ABCB5: variants seen among roughly 807,000 people sequenced by gnomAD.
ABCB5 encodes the protein ATP-binding cassette sub-family B member 5.
In ABCB5, 155 loss-of-function variants were observed where a neutral mutation model predicts 144.2. That is an observed-to-expected ratio of 1.08 (90% CI 0.94 to 1.23). The LOEUF (loss-of-function observed/expected upper bound fraction) is 1.23. Ranked by LOEUF, ABCB5 falls within the 50% of genes most tolerant of loss-of-function variation. ABCB5 has a pLI of 0.00. For missense variants in ABCB5, 1,830 were observed against 1,520.8 expected (o/e 1.20, Z -3.38); for synonymous variants, 610 against 528.6 (o/e 1.15, Z -2.11).
intron 14 of ABCB5, among the ~76,000 whole-genome samples, chr7:20,679,883 C>T (rs917475738): frequency 1.3e-5 from 2 of 152,118 alleles, no homozygotes; most frequent in Non-Finnish European, 2.9e-5. Context: ...AGCATATACA[C>T]ACTTTACGAC....
chr7:20,659,395 T>A, intron 14 of ABCB5: 2 of 744,176 alleles, frequency 2.7e-6, no homozygotes, highest in South Asian at 7.2e-5. Flanking sequence ...GAGTTAAGCG[T>A]TTTTTTTTCT....
At chr7:20,732,944 A>T (rs1217230064) in intron 23 of ABCB5, among the ~76,000 whole-genome samples, 1 of 152,160 alleles carries the variant, frequency 6.6e-6, no homozygotes, top group Non-Finnish European at 1.5e-5. Flanking sequence ...TACTTATGAA[A>T]ATTGCTATAA....
intron 5 of ABCB5, 123 bp downstream of exon 5, chr7:20,632,236 A>C: frequency 3.4e-6 from 2 of 590,666 alleles, no homozygotes; most frequent in Non-Finnish European, 5.7e-6. Context: ...ATTAAAGCAA[A>C]CATTTCCTCT....
At chr7:20,706,815 C>T (rs932807289) in intron 20 of ABCB5, among the ~76,000 whole-genome samples, 4 of 152,152 alleles carry the variant, frequency 2.6e-5, no homozygotes, top group African/African-American at 9.7e-5. Context: ...GCCTGGACAA[C>T]ATAGTGGGAC....
At chr7:20,689,448 C>G (rs565344470) in intron 16 of ABCB5, among the ~76,000 whole-genome samples, 1 of 152,146 alleles carries the variant, frequency 6.6e-6, no homozygotes, top group East Asian at 1.9e-4. Context: ...CTGAGCACTA[C>G]TGGAACAAGA....
rs775369675 is a variant in ABCB5, at chr7:20,647,985, C to G, written c.1113C>G (p.Asn371Lys). The G allele has an allele frequency of 1.9e-6, 3 of 1,608,122 alleles. No homozygotes were observed. The highest frequency in any genetic ancestry group is 1.7e-5 in the Admixed American group (1 of 59,740). Residue 371 changes from asparagine to lysine, a missense_variant, in exon 11 of 28, where the codon AAC becomes AAG. By Grantham distance (94) the Asn-to-Lys change is moderately conservative. Coordinates refer to ENST00000404938, the MANE Select transcript of ABCB5 (RefSeq NM_001163941.2). The stretch of plus-strand genomic sequence containing the variant: ...TTTCCAAGAAACCCAGTATAGATAA[C>G]TTTTCCACAGCTGGATATAAACCTG... ...QVIDKKPSID[N>K]FSTAGYKPES...
intron 24 of ABCB5, among the ~76,000 whole-genome samples, chr7:20,742,305 T>C (rs756597951): frequency 6.6e-6 from 1 of 150,452 alleles, no homozygotes; most frequent in Admixed American, 6.6e-5. Context: ...GCCTGGGAAG[T>C]GGAAGTTGCA....
At chr7:20,709,639 T>C (rs1409473130) in intron 20 of ABCB5, among the ~76,000 whole-genome samples, 2 of 149,932 alleles carry the variant, frequency 1.3e-5, no homozygotes. Flanking sequence ...CTCAACATGC[T>C]CTCAAATTCT....
chr7:20,752,088 A>G (rs1235672069), intron 26 of ABCB5, among the ~76,000 whole-genome samples: 1 of 152,194 alleles, frequency 6.6e-6, no homozygotes, highest in Non-Finnish European at 1.5e-5. Context: ...AGAGAAAGGC[A>G]ATTCCCTCAA....
rs185969806 is a variant in ABCB5 at position 20,722,152 on chromosome 7, A to G, written c.2422-864A>G. Among the ~76,000 whole-genome samples the G allele has an allele frequency of 3.2e-4, 48 of 152,338 alleles. 1 individual carries two copies. The South Asian group carries it at 5.2e-3, about 16-fold the overall frequency. On this transcript the variant is annotated intron_variant, in intron 20 of 27. Coordinates refer to ENST00000404938, the MANE Select transcript of ABCB5 (RefSeq NM_001163941.2). ...AGTAACTATGATTCTGTCATTTTCA[A>G]ACATCAGCTTTATTACCAAGAACTT...
intron 26 of ABCB5, among the ~76,000 whole-genome samples, chr7:20,746,704 C>G (rs1163254817): frequency 6.6e-6 from 1 of 152,106 alleles, no homozygotes; most frequent in African/African-American, 2.4e-5. Flanking sequence ...AGCATTGATA[C>G]AAATCCAAAA....
chr7:20,728,263 T>G (rs1782099315), intron 22 of ABCB5, 52 bp from the exon 23 acceptor site: 1 of 1,590,508 alleles, frequency 6.3e-7, no homozygotes, highest in East Asian at 2.3e-5. Flanking sequence ...TGTATTCAAT[T>G]GACCTTGCTA....
chr7:20,729,351 TGG>T (rs1214332617), intron 23 of ABCB5, among the ~76,000 whole-genome samples: 2 of 152,218 alleles, frequency 1.3e-5, no homozygotes, highest in African/African-American at 4.8e-5. Context: ...AGTGTGGAGA[TGG>T]CTTCCTAAAG....
At chr7:20,718,360 C>A (rs1781755543) in intron 20 of ABCB5, among the ~76,000 whole-genome samples, 1 of 152,230 alleles carries the variant, frequency 6.6e-6, no homozygotes, top group African/African-American at 2.4e-5. Context: ...GCATTATATG[C>A]CAAATGGCAT....
At chr7:20,668,620 A>C (rs1199287892) in intron 14 of ABCB5, among the ~76,000 whole-genome samples, 1 of 136,466 alleles carries the variant, frequency 7.3e-6, no homozygotes, top group South Asian at 2.5e-4. Flanking sequence ...CCGCCCGGCC[A>C]GCCGCCCCGT....
chr7:20,648,515 T>A (rs1784482639), intron 11 of ABCB5, among the ~76,000 whole-genome samples: 1 of 152,112 alleles, frequency 6.6e-6, no homozygotes, highest in Non-Finnish European at 1.5e-5. Flanking sequence ...CTTTATCGCC[T>A]TTACACACAC....
chr7:20,680,904 A>T (rs1371587649), intron 14 of ABCB5, among the ~76,000 whole-genome samples: 2 of 152,000 alleles, frequency 1.3e-5, no homozygotes, highest in Non-Finnish European at 2.9e-5. Context: ...CCCAAGGATA[A>T]GATACTTGAA....
chr7:20,650,285 A>T (rs1379876585), intron 12 of ABCB5, 138 bp downstream of exon 12: 1 of 1,152,128 alleles, frequency 8.7e-7, no homozygotes, highest in African/African-American at 1.6e-5. Context: ...CTTTGTATCC[A>T]TTCACTCAGC....
intron 13 of ABCB5, among the ~76,000 whole-genome samples, 186 bp from the exon 14 acceptor site, chr7:20,658,315 CTTCTT>C (rs777907144): frequency 6.9e-6 from 1 of 144,038 alleles, no homozygotes; most frequent in Non-Finnish European, 1.5e-5. Context: ...TATGTCCTCT[CTTCTT>C]TGGGCTCTTT....
Sources: gnomAD v4.1 joint callset for allele counts (sites outside exome capture counted in the v4.1 genomes callset) on GRCh38, gnomAD v4.1.1 for gene constraint, MANE v1.5 for transcripts, NCBI Gene and HGNC (gene_info 2026-07-23, HGNC 2026-07-21) for gene names.